HTR2A: variants seen among roughly 807,000 people sequenced by gnomAD.
HTR2A encodes 5-hydroxytryptamine receptor 2A.
A neutral mutation model predicts 31.0 loss-of-function variants in HTR2A; 14 were observed. The observed-to-expected ratio is 0.45, with a 90% CI of 0.30 to 0.71. The LOEUF is 0.71. HTR2A is among the 30% of genes least tolerant of loss of function. HTR2A has a pLI of 0.09. For synonymous variants in HTR2A, 209 were observed against 225.2 expected (o/e 0.93, Z 0.64); for missense variants, 442 against 573.3 (o/e 0.77, Z 2.34).
chr13:46,853,340 G>A (rs1166209865), intron 3 of HTR2A, among the ~76,000 whole-genome samples: 1 of 152,062 alleles, frequency 6.6e-6, no homozygotes, highest in Non-Finnish European at 1.5e-5. Context: ...ATCTGCCTGG[G>A]CCACTTCTCT....
At chr13:46,840,848 A>G (rs1950591684) in intron 3 of HTR2A, among the ~76,000 whole-genome samples, 1 of 152,190 alleles carries the variant, frequency 6.6e-6, no homozygotes, top group Admixed American at 6.5e-5. Flanking sequence ...CTAGCCCCTA[A>G]TATGACTAAT....
intron 3 of HTR2A, among the ~76,000 whole-genome samples, chr13:46,869,110 T>C (rs1950844475): frequency 6.6e-6 from 1 of 152,150 alleles, no homozygotes; most frequent in Non-Finnish European, 1.5e-5. Context: ...ATTAAAAACC[T>C]TTGTGCATCA....
chr13:46,854,357 A>G (rs1950714730), intron 3 of HTR2A: 1 of 152,240 alleles, frequency 6.6e-6, no homozygotes, highest in South Asian at 2.1e-4. Flanking sequence ...AGCATTACAA[A>G]TAGCACAAGC....
chr13:46,841,133 G>A (rs1950594291), intron 3 of HTR2A, among the ~76,000 whole-genome samples: 1 of 152,140 alleles, frequency 6.6e-6, no homozygotes, highest in African/African-American at 2.4e-5. Context: ...ATGATCGTAA[G>A]TTTCCTGAGG....
In HTR2A at chr13:46,833,167, G is replaced by A. The variant is rs1297374811; in HGVS notation, c.*1670C>T. The A allele has an allele frequency of 1.3e-5, 2 of 152,076 alleles. No homozygotes were observed. Among genetic ancestry groups the A allele is most frequent in the East Asian group, 1.9e-4 (1 of 5,190 alleles). 9.4% of individuals were successfully genotyped at this position (152,076 alleles called of 1,614,324 possible). ...TTAATTGCAATGTTAAGCCTCAAGT[G>A]ATATTTTCCCCCTCCTTTATTTGTT... On this transcript the variant is annotated 3_prime_UTR_variant, in exon 4 of 4. Transcript: ENST00000542664.
chr13:46,863,657 A>AAAG (rs1555298354), intron 3 of HTR2A, among the ~76,000 whole-genome samples: 6 of 118,262 alleles, frequency 5.1e-5, no homozygotes, highest in East Asian at 2.5e-4. Flanking sequence ...AAAGAAAAAA[A>AAAG]AAAAAGACAG....
At chr13:46,868,456 A>C (rs1405767165) in intron 3 of HTR2A, among the ~76,000 whole-genome samples, 1 of 152,246 alleles carries the variant, frequency 6.6e-6, no homozygotes, top group Non-Finnish European at 1.5e-5. Flanking sequence ...CGACCAAAAG[A>C]AAACTCCAAC....
rs1227360756 is a variant in HTR2A, at chr13:46,833,053, G to T, written c.*1784C>A. On this transcript the variant is annotated 3_prime_UTR_variant, in exon 4 of 4. Transcript: ENST00000542664. The stretch of plus-strand genomic sequence containing the variant: ...CAGTGTCAATGAGTAATACTGAAAT[G>T]AGTGAGTTTTTGGAGAAATAGAAGA... The T allele has an allele frequency of 6.6e-6, 1 of 152,116 alleles. No homozygotes were observed. Among genetic ancestry groups the T allele is most frequent in the African/African-American group, 2.4e-5 (1 of 41,418 alleles). The allele number at this position is 152,116 out of a possible 1,614,324, so 9.4% of individuals were successfully genotyped here.
At chr13:46,863,470 A>G (rs1950795065) in intron 3 of HTR2A, among the ~76,000 whole-genome samples, 1 of 151,062 alleles carries the variant, frequency 6.6e-6, no homozygotes, top group African/African-American at 2.4e-5. Flanking sequence ...AAAAAGTACA[A>G]AAATTAGCTG....
intron 3 of HTR2A, 37 bp from the exon 4 acceptor site, chr13:46,835,676 G>A: frequency 6.7e-7 from 1 of 1,492,920 alleles, no homozygotes; most frequent in Admixed American, 1.9e-5. Flanking sequence ...GATTATTAAG[G>A]AATTAAGTAT....
chr13:46,847,698 C>G (rs1015613380), intron 3 of HTR2A, among the ~76,000 whole-genome samples: 2 of 152,138 alleles, frequency 1.3e-5, no homozygotes, highest in Non-Finnish European at 2.9e-5. Context: ...TCACTGTTCT[C>G]GTCCTGATCA....
In HTR2A at chr13:46,896,171, G is replaced by A. The variant is rs1297139813; in HGVS notation, c.-265C>T. 2.5e-6 allele frequency: 3 copies of A among 1,206,696 alleles called. No homozygotes were observed. The highest frequency in any genetic ancestry group is 3.1e-6 in the Non-Finnish European group (3 of 972,388). 74.7% of individuals were successfully genotyped at this position (1,206,696 alleles called of 1,614,324 possible). A position where few individuals can be genotyped will look rare whatever the true frequency, so the allele number is the denominator to read the frequency against. ...TTCTCACCAAACCGAGGACAAAAAAGCAGAATGAACTTTTAGCATAGAGGT... is the reference window on the plus strand; with the variant it reads ...TTCTCACCAAACCGAGGACAAAAAAACAGAATGAACTTTTAGCATAGAGGT... On this transcript the variant is annotated 5_prime_UTR_variant, in exon 2 of 4. Transcript: ENST00000542664.
intron 3 of HTR2A, among the ~76,000 whole-genome samples, chr13:46,844,247 T>A (rs1950622625): frequency 1.3e-5 from 2 of 152,154 alleles, no homozygotes; most frequent in Non-Finnish European, 2.9e-5. Context: ...TAAATGCTTG[T>A]GGGATTGATG....
At chr13:46,877,322 A>G (rs1489980013) in intron 3 of HTR2A, among the ~76,000 whole-genome samples, 1 of 152,164 alleles carries the variant, frequency 6.6e-6, no homozygotes, top group East Asian at 1.9e-4. Context: ...GATTGGGGAG[A>G]AATTCAAAAT....
At position 46,832,108 on chromosome 13, in the gene HTR2A, C is replaced by T. The variant is rs547077793; in HGVS notation, c.*2729G>A. ...CTATATATGTGGACCATTGTTTTCG[C>T]CATCCTCATAGACTTGTCTTAAAGT... On this transcript the variant is annotated 3_prime_UTR_variant, in exon 4 of 4. Transcript: ENST00000542664. The T allele has an allele frequency of 3.9e-5, 6 of 152,314 alleles. No individual in the cohort carries two copies. In the South Asian group the frequency reaches 1.2e-3, roughly 32 times the overall value. The allele number at this position is 152,314 out of a possible 1,614,324, so 9.4% of individuals were successfully genotyped here.
intron 3 of HTR2A, among the ~76,000 whole-genome samples, chr13:46,841,448 G>T (rs1015688214): frequency 5.9e-5 from 9 of 151,486 alleles, no homozygotes; most frequent in Admixed American, 4.6e-4. Context: ...CAAATACTAG[G>T]GAAGTTATTC....
intron 3 of HTR2A, among the ~76,000 whole-genome samples, chr13:46,868,966 G>A (rs1268335559): frequency 2.0e-5 from 3 of 152,108 alleles, no homozygotes; most frequent in Non-Finnish European, 4.4e-5. Context: ...GACTTATGGT[G>A]ATAAAGTAGC....
intron 3 of HTR2A, among the ~76,000 whole-genome samples, chr13:46,849,238 A>C (rs1413692862): frequency 1.3e-5 from 2 of 152,134 alleles, no homozygotes; most frequent in Non-Finnish European, 2.9e-5. Context: ...TCTACCTAAT[A>C]ATCTATCCTA....
intron 3 of HTR2A, among the ~76,000 whole-genome samples, chr13:46,862,417 A>G (rs1311733584): frequency 6.6e-6 from 1 of 152,226 alleles, no homozygotes; most frequent in Non-Finnish European, 1.5e-5. Flanking sequence ...ATGGAAATGA[A>G]TGTATTAGGG....
Sources: gnomAD v4.1 joint callset for allele counts (sites outside exome capture counted in the v4.1 genomes callset) on GRCh38, gnomAD v4.1.1 for gene constraint, MANE v1.5 for transcripts, NCBI Gene and HGNC (gene_info 2026-07-23, HGNC 2026-07-21) for gene names.